The following EML1 variants were observed in gnomAD, a reference collection of about 807,000 sequenced individuals.
The protein encoded by EML1 is EMAP like 1, also known as echinoderm microtubule-associated protein-like 1.
A neutral mutation model predicts 110.4 loss-of-function variants in EML1; 27 were observed. The ratio of observed to expected loss-of-function variants is 0.24; its 90% CI spans 0.18 to 0.34. EML1 has a LOEUF of 0.34. Ranked by LOEUF, EML1 falls within the 10% of genes least tolerant of loss-of-function variation. The pLI is 1.00. For synonymous variants in EML1, 344 were observed against 385.8 expected, an observed-to-expected ratio of 0.89 and a Z score of 1.27; for missense variants, 741 against 1,030.9, an observed-to-expected ratio of 0.72 and a Z score of 3.85.
intron 1 of EML1, among the ~76,000 whole-genome samples, chr14:99,831,193 G>T (rs1037485591): frequency 2.6e-5 from 4 of 152,238 alleles, no homozygotes; most frequent in African/African-American, 9.6e-5. Flanking sequence ...TCTGAGCAGT[G>T]TTTTCCAGTA....
At chr14:99,935,779 C>T (rs2060458548) in intron 17 of EML1, among the ~76,000 whole-genome samples, 1 of 76,170 alleles carries the variant, frequency 1.3e-5, no homozygotes, top group Non-Finnish European at 2.1e-5. Flanking sequence ...GAGACTCCGT[C>T]TCAAAAAAAA....
intron 17 of EML1, among the ~76,000 whole-genome samples, chr14:99,925,405 A>G (rs561064907): frequency 6.6e-6 from 1 of 151,738 alleles, no homozygotes; most frequent in South Asian, 2.1e-4. Flanking sequence ...GACTGCAGGC[A>G]GGCACCACCA....
At position 99,748,034 on chromosome 14, in the gene EML1, G is replaced by A. The variant is rs117310248; in HGVS notation, c.28+10174G>A. On this transcript the variant is annotated intron_variant, in intron 1 of 10. Transcript: ENST00000554479. ...AGCTGTGACATCCATGAGATCATGC[G>A]TGCCTGGGTGCCTGGGAGGAGCCCC... 5.6e-3 allele frequency among the ~76,000 whole-genome samples: 853 copies of A among 152,314 alleles called. 16 individuals carry two copies. The highest frequency in any genetic ancestry group is 0.035 in the Admixed American group (532 of 15,314).
chr14:99,859,460 G>A (rs1285231335), intron 2 of EML1, among the ~76,000 whole-genome samples: 1 of 152,176 alleles, frequency 6.6e-6, no homozygotes, highest in Non-Finnish European at 1.5e-5. Flanking sequence ...CTTCTCACAT[G>A]AATGAAAGAC....
intron 1 of EML1, among the ~76,000 whole-genome samples, chr14:99,757,814 T>TA (rs2057273658): frequency 6.6e-6 from 1 of 152,190 alleles, no homozygotes; most frequent in African/African-American, 2.4e-5. Flanking sequence ...ATGTGAGCTT[T>TA]AAAAAACAGG....
At chr14:99,937,231 C>T (rs967909644) in intron 19 of EML1, among the ~76,000 whole-genome samples, 6 of 152,168 alleles carry the variant, frequency 3.9e-5, no homozygotes, top group African/African-American at 1.2e-4. Flanking sequence ...GGAGGGCGGC[C>T]GCACCGTCTC....
chr14:99,756,946 C>T (rs2057262539), intron 1 of EML1, among the ~76,000 whole-genome samples: 1 of 152,144 alleles, frequency 6.6e-6, no homozygotes, highest in African/African-American at 2.4e-5. Context: ...TGCGCGTGCT[C>T]CTGTGCCCAC....
intron 1 of EML1, among the ~76,000 whole-genome samples, chr14:99,752,876 A>G (rs2057192770): frequency 6.6e-6 from 1 of 152,264 alleles, no homozygotes; most frequent in East Asian, 1.9e-4. Context: ...TAATGATGAA[A>G]CCTGAATAAG....
chr14:99,750,819 C>T (rs936344607), intron 1 of EML1, among the ~76,000 whole-genome samples: 2 of 152,040 alleles, frequency 1.3e-5, no homozygotes, highest in African/African-American at 4.8e-5. Flanking sequence ...CCGATCGCCC[C>T]TCAGTTCAGG....
chr14:99,847,437 A>G (rs2058724607), intron 1 of EML1, among the ~76,000 whole-genome samples: 1 of 152,068 alleles, frequency 6.6e-6, no homozygotes, highest in Non-Finnish European at 1.5e-5. Flanking sequence ...TGTAGACCTG[A>G]TCTCCTGGGC....
At chr14:99,779,383 C>T (rs1239531952) in intron 1 of EML1, among the ~76,000 whole-genome samples, 1 of 152,154 alleles carries the variant, frequency 6.6e-6, no homozygotes, top group Non-Finnish European at 1.5e-5. Flanking sequence ...TAACTTTGAC[C>T]TATGAGGATA....
In EML1 at chr14:99,936,254, C is replaced by T; in HGVS notation, c.2015C>T (p.Ser672Phe). 1 of 1,614,128 alleles carries T rather than the reference C, an allele frequency of 6.2e-7. No homozygotes were observed. The highest frequency in any genetic ancestry group is 1.1e-5 in the South Asian group (1 of 91,084). Reference sequence around the variant, plus strand: ...AGTGTTTTACCCTCCCAGGGTCATTCCAGCTTCATTACTCACCTGGACTGG... The same window carrying T: ...AGTGTTTTACCCTCCCAGGGTCATTTCAGCTTCATTACTCACCTGGACTGG... The part of the protein sequence containing the change: ...YTRVGKCSGH[S>F]SFITHLDWSV... Residue 672 changes from serine (S) to phenylalanine (F), a missense_variant, in exon 19 of 22, where the codon TCC becomes TTC. Coordinates refer to ENST00000262233, the MANE Select transcript of EML1 (RefSeq NM_004434.3). This position sits in a 1 kb window ranked among gnomAD's most constrained non-coding sequence, Gnocchi z 5.5.
chr14:99,772,299 A>C (rs1384621806), upstream of EML1, among the ~76,000 whole-genome samples: 1 of 152,260 alleles, frequency 6.6e-6, no homozygotes, highest in African/African-American at 2.4e-5. Context: ...CGCCAGCCAG[A>C]GAGCAGGGCA....
chr14:99,926,918 T>C lies in EML1; in HGVS notation c.1909+6041T>C, dbSNP rs998423999. On this transcript the variant is annotated intron_variant, in intron 17 of 21. Transcript: ENST00000262233. ...ACCACCATACCTGGCTAATTTTTTG[T>C]ATTTTTAGTAGAGATGAGGTTTTGC... Among the ~76,000 whole-genome samples, 6 of 152,160 alleles carry C rather than the reference T, an allele frequency of 3.9e-5. No individual in the cohort carries two copies. In the East Asian group the frequency reaches 1.2e-3, roughly 29 times the overall value.
chr14:99,765,062 C>T (rs564342815), intron 1 of EML1, among the ~76,000 whole-genome samples: 5 of 152,102 alleles, frequency 3.3e-5, no homozygotes, highest in South Asian at 2.1e-4. Context: ...CTCAGCCTCC[C>T]GAGTAGCCAG....
chr14:99,811,275 G>T (rs2058074698), intron 1 of EML1, among the ~76,000 whole-genome samples: 1 of 147,560 alleles, frequency 6.8e-6, no homozygotes, highest in Non-Finnish European at 1.5e-5. Context: ...TGACTCACTG[G>T]GCTCAAGTGA....
chr14:99,868,073 G>T (rs187060607), intron 3 of EML1, among the ~76,000 whole-genome samples: 1 of 152,260 alleles, frequency 6.6e-6, no homozygotes, highest in East Asian at 1.9e-4. Context: ...CAGTTGAAAT[G>T]ATCATGTGGT....
In EML1 at chr14:99,866,430, C is replaced by T. The variant is rs149252864; in HGVS notation, c.383+784C>T. ...ACTAAAAATACAAAAATTATCTGAG[C>T]GTGGTGGCACATGCCTGTGATCCCA... On this transcript the variant is annotated intron_variant, in intron 3 of 21. Transcript: ENST00000262233. 9.9e-3 allele frequency among the ~76,000 whole-genome samples: 1,506 copies of T among 152,178 alleles called. 27 individuals carry two copies. The highest frequency in any genetic ancestry group is 0.035 in the African/African-American group (1,450 of 41,514).
At chr14:99,846,731 A>G (rs1232208466) in intron 1 of EML1, among the ~76,000 whole-genome samples, 2 of 152,192 alleles carry the variant, frequency 1.3e-5, no homozygotes, top group Non-Finnish European at 2.9e-5. Context: ...TGTCTTCTCC[A>G]CTAGGCAGAG....
Sources: allele counts gnomAD v4.1 joint callset (sites outside exome capture counted in the v4.1 genomes callset), GRCh38; gene constraint gnomAD v4.1.1; non-coding constraint Gnocchi (gnomAD v3.1); transcripts MANE v1.5; gene names NCBI Gene and HGNC (gene_info 2026-07-23, HGNC 2026-07-21).